The following PLA2G4C variants were observed in gnomAD, a reference collection of about 807,000 sequenced individuals.
PLA2G4C encodes the protein cytosolic phospholipase A2 gamma.
A neutral mutation model predicts 73.8 loss-of-function variants in PLA2G4C; 64 were observed. The ratio of observed to expected loss-of-function variants is 0.87; its 90% CI spans 0.71 to 1.07. The LOEUF (loss-of-function observed/expected upper bound fraction) is 1.07. Among genes scored for constraint, PLA2G4C ranks in the 50% least tolerant of loss-of-function variants. The pLI, the probability that PLA2G4C is intolerant of heterozygous loss-of-function variation, is 0.00. For synonymous variants in PLA2G4C, 254 were observed against 252.1 expected (o/e 1.01, Z -0.07); for missense variants, 622 against 665.4 (o/e 0.93, Z 0.72).
At chr19:48,086,713 A>G (rs1340130693) in intron 9 of PLA2G4C, among the ~76,000 whole-genome samples, 2 of 152,132 alleles carry the variant, frequency 1.3e-5, no homozygotes, top group Non-Finnish European at 2.9e-5. Flanking sequence ...CCATGACAGC[A>G]TCTCCTGGTA....
chr19:48,060,323 T>C lies in PLA2G4C; in HGVS notation c.1257+1675A>G, dbSNP rs563934456. ...AAATCCGAGGTGTATTTTATCTTCATAGCACACTTCAACTTGGGCCAGGCA... is the reference window on the plus strand; with the variant it reads ...AAATCCGAGGTGTATTTTATCTTCACAGCACACTTCAACTTGGGCCAGGCA... On this transcript the variant is annotated intron_variant, in intron 14 of 16. Transcript: ENST00000599921. Among the ~76,000 whole-genome samples the C allele has an allele frequency of 2.6e-5, 4 of 152,266 alleles. No homozygotes were observed. The South Asian group carries it at 8.3e-4, about 32-fold the overall frequency.
chr19:48,079,046 G>A (rs2030362088), intron 10 of PLA2G4C, among the ~76,000 whole-genome samples: 1 of 151,870 alleles, frequency 6.6e-6, no homozygotes. Context: ...TTTTGTATTT[G>A]TAGTAGAGAT....
At chr19:48,049,912 G>A (rs1967658694) in intron 16 of PLA2G4C, among the ~76,000 whole-genome samples, 1 of 152,132 alleles carries the variant, frequency 6.6e-6, no homozygotes, top group African/African-American at 2.4e-5. Context: ...GGTTGTTTAA[G>A]CCACCTGATC....
chr19:48,048,392 G>A lies in PLA2G4C; in HGVS notation c.1581-4C>T. Reference sequence around the variant, plus strand: ...ACTATCCTTCGGGTAGTAGAGCCTGGGGAGAAAGGAAAGTTAGAAGTTACC... The same window carrying A: ...ACTATCCTTCGGGTAGTAGAGCCTGAGGAGAAAGGAAAGTTAGAAGTTACC... On this transcript the variant is annotated splice_polypyrimidine_tract_variant and splice_region_variant and intron_variant, in intron 16 of 16. Coordinates refer to ENST00000599921, the MANE Select transcript of PLA2G4C (RefSeq NM_003706.3). 1 of 1,584,138 alleles carries A rather than the reference G, an allele frequency of 6.3e-7. No individual in the cohort carries two copies. The highest frequency in any genetic ancestry group is 8.5e-7 in the Non-Finnish European group (1 of 1,169,610).
At chr19:48,075,153 CATTTATTTATTTATTTATTT>C (rs71181640) in intron 11 of PLA2G4C, among the ~76,000 whole-genome samples, 4 of 140,030 alleles carry the variant, frequency 2.9e-5, no homozygotes, top group South Asian at 2.4e-4. Flanking sequence ...CAAAGTCTCC[CATTTATTTATTTATTTATTT>C]ATTTATTTAT....
At chr19:48,066,284 A>G (rs1003051684) in intron 13 of PLA2G4C, among the ~76,000 whole-genome samples, 1 of 151,938 alleles carries the variant, frequency 6.6e-6, no homozygotes, top group African/African-American at 2.4e-5. Flanking sequence ...GGGGCTTAGA[A>G]TTTTATTTTT....
intron 4 of PLA2G4C, among the ~76,000 whole-genome samples, chr19:48,101,929 C>T (rs933370071): frequency 6.6e-6 from 1 of 151,876 alleles, no homozygotes. Context: ...CCTGCCTCGG[C>T]CTCTTGAAGT....
chr19:48,056,057 T>C (rs1213449838), intron 14 of PLA2G4C, among the ~76,000 whole-genome samples: 2 of 152,216 alleles, frequency 1.3e-5, no homozygotes, highest in Admixed American at 6.5e-5. Flanking sequence ...GTTTCTCAGT[T>C]GTAACAAGTT....
At chr19:48,052,975 G>A (rs778044330) in intron 16 of PLA2G4C, 22 bp downstream of exon 16, 8 of 1,590,728 alleles carry the variant, frequency 5.0e-6, no homozygotes, top group Admixed American at 1.7e-5. Context: ...AGGCATCAGA[G>A]CGACTATGGT....
rs940577478 is a variant in PLA2G4C, at chr19:48,074,685, C to T, written c.1006+82G>A. 15 of 918,108 alleles carry T rather than the reference C, an allele frequency of 1.6e-5. No individual in the cohort carries two copies. The Admixed American group carries it at 1.9e-4, about 11-fold the overall frequency. The allele number at this position is 918,108 out of a possible 1,614,324, so 56.9% of individuals were successfully genotyped here. A position where few individuals can be genotyped will look rare whatever the true frequency, so the allele number is the denominator to read the frequency against. On this transcript the variant is annotated intron_variant, in intron 12 of 16. Transcript: ENST00000599921. The stretch of plus-strand genomic sequence containing the variant: ...GGTCATGTCCCCTGCAGGACTGGCC[C>T]ACAGGGGTGGGGAAGAGCAAGAGGG...
Position 48,048,312 on chromosome 19 carries a change from G to T in PLA2G4C, c.*31C>A, listed in dbSNP as rs1967596749. On this transcript the variant is annotated 3_prime_UTR_variant, in exon 17 of 17. Transcript: ENST00000599921. ...ACATCAGGGCCCTAGTAGACCAACA[G>T]GCCCACAGTGCCCTGGAAGCTGAGG... The T allele has an allele frequency of 6.3e-7, 1 of 1,582,210 alleles. No individual in the cohort carries two copies. Among genetic ancestry groups the T allele is most frequent in the South Asian group, 1.1e-5 (1 of 87,340 alleles).
chr19:48,069,877 GC>G (rs771569681), intron 12 of PLA2G4C, among the ~76,000 whole-genome samples: 6 of 152,050 alleles, frequency 3.9e-5, no homozygotes, highest in Non-Finnish European at 8.8e-5. Context: ...TGATTCTCCT[GC>G]CTCAGCCTCC....
chr19:48,092,273 T>G lies in PLA2G4C; in HGVS notation c.710-1856A>C, dbSNP rs1025253556. On this transcript the variant is annotated intron_variant, in intron 7 of 16. Transcript: ENST00000599921. ...CATGTTGGTCAGGCTGGTCTCCAAC[T>G]CCCAACCTCAGGTGATCCACCCGCC... 2.0e-5 allele frequency among the ~76,000 whole-genome samples: 3 copies of G among 152,146 alleles called. No individual in the cohort carries two copies. The South Asian group carries it at 6.2e-4, about 32-fold the overall frequency.
At chr19:48,065,260 G>A (rs1968364472) in intron 13 of PLA2G4C, among the ~76,000 whole-genome samples, 1 of 142,454 alleles carries the variant, frequency 7.0e-6, no homozygotes, top group Non-Finnish European at 1.5e-5. Flanking sequence ...GGGTAGAGGT[G>A]AGGGGTGAGG....
At chr19:48,059,764 C>CTT (rs571325645) in intron 14 of PLA2G4C, among the ~76,000 whole-genome samples, 108 of 122,460 alleles carry the variant, frequency 8.8e-4, no homozygotes, top group African/African-American at 2.4e-3. Context: ...GGCTTCCCTA[C>CTT]TTTTTTTTTT....
chr19:48,054,702 G>A lies in PLA2G4C; in HGVS notation c.1429+176C>T, dbSNP rs897921466. 7.9e-5 allele frequency among the ~76,000 whole-genome samples: 12 copies of A among 152,118 alleles called. No individual in the cohort carries two copies. In the East Asian group the frequency reaches 2.3e-3, roughly 29 times the overall value. ...GCCTTGTGAAGAAGGTGACTTGCTT[G>A]GCCTTCGCTTTCCACCATGACTGTA... On this transcript the variant is annotated intron_variant, in intron 15 of 16. Coordinates refer to ENST00000599921, the MANE Select transcript of PLA2G4C (RefSeq NM_003706.3).
chr19:48,074,228 T>C (rs1009708687), intron 12 of PLA2G4C, among the ~76,000 whole-genome samples: 3 of 151,430 alleles, frequency 2.0e-5, no homozygotes, highest in Non-Finnish European at 2.9e-5. Context: ...AGTGAGAACA[T>C]GTGGTGTTTG....
chr19:48,083,206 C>T (rs901726282), intron 10 of PLA2G4C, among the ~76,000 whole-genome samples: 6 of 152,084 alleles, frequency 3.9e-5, no homozygotes, highest in African/African-American at 1.4e-4. Context: ...GCTCTAAGTA[C>T]TTTACATACA....
At position 48,105,727 on chromosome 19, in the gene PLA2G4C, A is replaced by T. The variant is rs1219786468; in HGVS notation, c.9-283T>A. Among the ~76,000 whole-genome samples the T allele has an allele frequency of 2.7e-5, 4 of 150,596 alleles. No individual in the cohort carries two copies. The East Asian group carries it at 7.9e-4, about 30-fold the overall frequency. On this transcript the variant is annotated intron_variant, in intron 2 of 16. Transcript: ENST00000599921. ...GTAATCCCAGCACTTTGGGAGGGTGAGGTGGGTGGATCACTTGAGCCCAGG... is the reference window on the plus strand; with the variant it reads ...GTAATCCCAGCACTTTGGGAGGGTGTGGTGGGTGGATCACTTGAGCCCAGG...
Sources: gnomAD v4.1 joint callset for allele counts (sites outside exome capture counted in the v4.1 genomes callset) on GRCh38, gnomAD v4.1.1 for gene constraint, MANE v1.5 for transcripts, NCBI Gene and HGNC (gene_info 2026-07-23, HGNC 2026-07-21) for gene names.